The following SCUBE1 variants were observed in gnomAD, a reference collection of about 807,000 sequenced individuals.
The protein encoded by SCUBE1 is signal peptide, CUB and EGF-like domain-containing protein 1.
Under a neutral mutation model 124.4 loss-of-function variants are expected in SCUBE1, and 59 were observed. That is an observed-to-expected ratio of 0.47 (90% CI 0.38 to 0.59). SCUBE1 has a LOEUF of 0.59. Ranked by LOEUF, SCUBE1 falls within the 20% of genes least tolerant of loss-of-function variation. SCUBE1 has a pLI of 0.00. For missense variants in SCUBE1, 1,150 were observed against 1,371.2 expected, an observed-to-expected ratio of 0.84 and a Z score of 2.55; for synonymous variants, 545 against 550.9, an observed-to-expected ratio of 0.99 and a Z score of 0.15.
intron 1 of SCUBE1, among the ~76,000 whole-genome samples, chr22:43,340,448 C>G (rs1026217607): frequency 4.6e-5 from 7 of 150,664 alleles, no homozygotes; most frequent in African/African-American, 1.2e-4. Flanking sequence ...TCCATTCCAT[C>G]TATACACCCC....
chr22:43,281,587 T>TCACCCTCCTGTCACCTCCCTC (rs1569011199), intron 4 of SCUBE1, among the ~76,000 whole-genome samples: 1 of 64,870 alleles, frequency 1.5e-5, no homozygotes, highest in African/African-American at 8.9e-5. Context: ...TCACCTCCCT[T>TCACCCTCCTGTCACCTCCCTC]CTCAGCCACC....
chr22:43,231,937 G>T, intron 7 of SCUBE1, 62 bp from the exon 8 acceptor site: 3 of 1,592,744 alleles, frequency 1.9e-6, no homozygotes, highest in Non-Finnish European at 2.6e-6. Context: ...GTGACCAGCG[G>T]GGGGACGGCA....
At chr22:43,286,641 G>A (rs571377577) in intron 4 of SCUBE1, among the ~76,000 whole-genome samples, 13 of 152,298 alleles carry the variant, frequency 8.5e-5, no homozygotes, top group East Asian at 3.9e-4. Flanking sequence ...TCCCCAGAGC[G>A]TTTCCCCTCA....
chr22:43,222,224 T>C (rs1922119871), intron 12 of SCUBE1, among the ~76,000 whole-genome samples: 1 of 152,162 alleles, frequency 6.6e-6, no homozygotes, highest in South Asian at 2.1e-4. Flanking sequence ...AGCGGGTCAC[T>C]CCCAAAGGGC....
At chr22:43,213,792 ACTGTGAAGTC>A (rs1601799048) in intron 16 of SCUBE1, 1 of 262,054 alleles carries the variant, frequency 3.8e-6, no homozygotes, top group East Asian at 7.5e-5. Flanking sequence ...TAAGTTGCAC[ACTGTGAAGTC>A]CTTTCCAAAG....
chr22:43,278,132 G>A (rs1448148004), intron 4 of SCUBE1, among the ~76,000 whole-genome samples: 1 of 152,236 alleles, frequency 6.6e-6, no homozygotes, highest in Non-Finnish European at 1.5e-5. Context: ...ATAATGGGCT[G>A]GATTTATTGT....
intron 4 of SCUBE1, among the ~76,000 whole-genome samples, chr22:43,265,785 A>C (rs1924040282): frequency 6.6e-6 from 1 of 152,242 alleles, no homozygotes; most frequent in African/African-American, 2.4e-5. Context: ...TTATTAACTT[A>C]TTTAAAAACA....
intron 15 of SCUBE1, among the ~76,000 whole-genome samples, chr22:43,214,855 AG>A (rs1441238778): frequency 6.6e-6 from 1 of 152,178 alleles, no homozygotes; most frequent in Non-Finnish European, 1.5e-5. Context: ...TTCAGGAGAA[AG>A]GGAGCCGAGT....
chr22:43,229,300 G>A (rs2146677043), intron 8 of SCUBE1, 112 bp from the exon 9 acceptor site: 1 of 767,576 alleles, frequency 1.3e-6, no homozygotes, highest in South Asian at 1.5e-5. Flanking sequence ...ACAGTCCCTG[G>A]GCGCAGGCGC....
At chr22:43,231,637 C>A (rs896937306) in intron 8 of SCUBE1, 116 bp downstream of exon 8, 62 of 1,313,914 alleles carry the variant, frequency 4.7e-5, no homozygotes, top group Non-Finnish European at 5.8e-5. Context: ...CCCATTCCCT[C>A]GGGCCCAGCC....
intron 2 of SCUBE1, among the ~76,000 whole-genome samples, chr22:43,331,148 C>T (rs5759288): frequency 0.32 from 49,310 of 151,986 alleles, 8,405 homozygotes; most frequent in East Asian, 0.57. Flanking sequence ...GAGTATGTTA[C>T]TAGGAATTTT....
intron 11 of SCUBE1, 113 bp from the exon 12 acceptor site, chr22:43,222,855 T>C: frequency 1.0e-6 from 1 of 963,292 alleles, no homozygotes; most frequent in Admixed American, 2.3e-5. Context: ...GACAGATTCT[T>C]CTGCCAGTTT....
chr22:43,299,845 C>T (rs1426392839), intron 3 of SCUBE1, among the ~76,000 whole-genome samples: 1 of 152,172 alleles, frequency 6.6e-6, no homozygotes, highest in African/African-American at 2.4e-5. Flanking sequence ...ATGGTTTGCC[C>T]ATTCTGGACA....
intron 19 of SCUBE1, among the ~76,000 whole-genome samples, chr22:43,208,791 C>T (rs1261860603): frequency 1.3e-5 from 2 of 152,194 alleles, no homozygotes; most frequent in African/African-American, 2.4e-5. Flanking sequence ...AGCATGTGAC[C>T]GGCAGGTGAA....
At chr22:43,217,771 C>T (rs1456291154) in intron 15 of SCUBE1, among the ~76,000 whole-genome samples, 3 of 152,272 alleles carry the variant, frequency 2.0e-5, no homozygotes, top group East Asian at 3.9e-4. Context: ...CACACCCGCC[C>T]GCTGGGGGCC....
At chr22:43,320,131 G>T in intron 2 of SCUBE1, 66 bp from the exon 3 acceptor site, 2 of 1,591,416 alleles carry the variant, frequency 1.3e-6, no homozygotes, top group Non-Finnish European at 1.7e-6. Context: ...CCAACACCAT[G>T]GAAGCCACCG....
chr22:43,322,873 C>T (rs553786809), intron 2 of SCUBE1, among the ~76,000 whole-genome samples: 14 of 152,310 alleles, frequency 9.2e-5, no homozygotes, highest in African/African-American at 3.4e-4. Flanking sequence ...AAGGAGGTAT[C>T]TACTCCTGAA....
At chr22:43,302,948 G>C (rs1925829080) in intron 3 of SCUBE1, among the ~76,000 whole-genome samples, 1 of 152,216 alleles carries the variant, frequency 6.6e-6, no homozygotes, top group Non-Finnish European at 1.5e-5. Flanking sequence ...GGCAGGGCAA[G>C]TCCCACTCCT....
intron 4 of SCUBE1, among the ~76,000 whole-genome samples, chr22:43,273,445 G>A (rs1189497349): frequency 3.3e-5 from 5 of 152,134 alleles, no homozygotes; most frequent in African/African-American, 1.2e-4. Context: ...GCAACACCGA[G>A]GTGGGGCAGG....
Sources: allele counts gnomAD v4.1 joint callset (sites outside exome capture counted in the v4.1 genomes callset), GRCh38; gene constraint gnomAD v4.1.1; transcripts MANE v1.5; gene names NCBI Gene and HGNC (gene_info 2026-07-23, HGNC 2026-07-21).